Variants in ADGRA3 observed in about 807,000 individuals in gnomAD.
ADGRA3 encodes the protein adhesion G protein-coupled receptor A3, also known as G-protein coupled receptor 125.
In ADGRA3, 56 loss-of-function variants were observed where a neutral mutation model predicts 119.8. That is an observed-to-expected ratio of 0.47 (90% CI 0.38 to 0.58). ADGRA3 has a LOEUF of 0.58. Among genes scored for constraint, ADGRA3 ranks in the 20% least tolerant of loss-of-function variants. The pLI, the probability that ADGRA3 is intolerant of heterozygous loss-of-function variation, is 0.00. For missense variants in ADGRA3, 1,516 were observed against 1,649.0 expected (o/e 0.92, Z 1.40); for synonymous variants, 607 against 623.8 (o/e 0.97, Z 0.40).
chr4:22,501,633 C>T (rs1294404938), intron 1 of ADGRA3, among the ~76,000 whole-genome samples: 1 of 152,022 alleles, frequency 6.6e-6, no homozygotes, highest in Non-Finnish European at 1.5e-5. Context: ...TGTAAAGCTG[C>T]CACCACCTAC....
intron 12 of ADGRA3, chr4:22,420,610 A>G: frequency 1.9e-6 from 1 of 515,014 alleles, no homozygotes; most frequent in Non-Finnish European, 3.4e-6. Context: ...CACATGTAAC[A>G]ATAGTATATT....
In ADGRA3 at chr4:22,470,337, T is replaced by A. The variant is rs540637798; in HGVS notation, c.329+3435A>T. Among the ~76,000 whole-genome samples the A allele has an allele frequency of 4.6e-3, 509 of 111,744 alleles. 15 individuals are homozygous for A. The East Asian group carries it at 0.089, about 20-fold the overall frequency. 73.3% of individuals were successfully genotyped at this position (111,744 alleles called of 152,430 possible). A position where few individuals can be genotyped will look rare whatever the true frequency, so the allele number is the denominator to read the frequency against. The stretch of plus-strand genomic sequence containing the variant: ...TCCTAAATTAAAAAAAAAAAAAAAA[T>A]CAACCTAAATATTCCTATGAAAATA... On this transcript the variant is annotated intron_variant, in intron 2 of 18. Transcript: ENST00000334304.
At chr4:22,464,511 G>A (rs1172142157) in intron 2 of ADGRA3, among the ~76,000 whole-genome samples, 2 of 152,200 alleles carry the variant, frequency 1.3e-5, no homozygotes, top group Non-Finnish European at 2.9e-5. Context: ...TCAACAGAAA[G>A]AGGAATATTA....
At chr4:22,396,519 T>A (rs1714360856) in intron 16 of ADGRA3, among the ~76,000 whole-genome samples, 1 of 152,208 alleles carries the variant, frequency 6.6e-6, no homozygotes, top group African/African-American at 2.4e-5. Flanking sequence ...GTTAAGGGAC[T>A]ATTCACATAA....
chr4:22,510,279 A>T (rs1440800874), intron 1 of ADGRA3, among the ~76,000 whole-genome samples: 1 of 152,152 alleles, frequency 6.6e-6, no homozygotes, highest in African/African-American at 2.4e-5. Flanking sequence ...TGATGCATGG[A>T]CACTGCTCAC....
intron 6 of ADGRA3, chr4:22,443,083 T>C (rs1313298074): frequency 5.8e-6 from 4 of 685,078 alleles, no homozygotes; most frequent in African/African-American, 5.4e-5. Context: ...TTCTGACATT[T>C]AGAGTTATTC....
Position 22,387,842 on chromosome 4 carries a change from G to A in ADGRA3, c.3829C>T (p.Gln1277Ter), listed in dbSNP as rs746569747. 1 of 1,614,108 alleles carries A rather than the reference G, an allele frequency of 6.2e-7. No individual in the cohort carries two copies. Among genetic ancestry groups the A allele is most frequent in the Non-Finnish European group, 8.5e-7 (1 of 1,179,994 alleles). Reference sequence around the variant, plus strand: ...AAGTTGAGGCCATAAGATTTTTGCTGATTTTCAAGTTCAACCACAGCTGGC... The same window carrying A: ...AAGTTGAGGCCATAAGATTTTTGCTAATTTTCAAGTTCAACCACAGCTGGC... ...RKPAVVELEN[Q>*]QKSYGLNLAI... The change falls in exon 19 of 19, where the codon CAG becomes TAG. Residue 1277 changes from glutamine to a stop codon, truncating the protein, a stop_gained. Coordinates refer to ENST00000334304, the MANE Select transcript of ADGRA3 (RefSeq NM_145290.4). LOFTEE classifies it high-confidence loss of function.
chr4:22,421,857 G>C (rs929787856), intron 11 of ADGRA3, among the ~76,000 whole-genome samples: 2 of 108,018 alleles, frequency 1.9e-5, no homozygotes, highest in African/African-American at 7.5e-5. Flanking sequence ...CTCCAGCCTG[G>C]ACAACAGAGC....
intron 1 of ADGRA3, among the ~76,000 whole-genome samples, chr4:22,508,956 C>T (rs1719339315): frequency 6.6e-6 from 1 of 152,154 alleles, no homozygotes; most frequent in African/African-American, 2.4e-5. Context: ...CCTCTTCGTC[C>T]CACCTGCGCC....
At chr4:22,432,976 T>G (rs1280667419) in intron 10 of ADGRA3, among the ~76,000 whole-genome samples, 2 of 152,262 alleles carry the variant, frequency 1.3e-5, no homozygotes, top group African/African-American at 4.8e-5. Flanking sequence ...CATAATTTTA[T>G]GCTGTGGTAA....
At position 22,387,468 on chromosome 4, in the gene ADGRA3, C is replaced by CA; in HGVS notation, c.*236dup. 2.4e-6 allele frequency: 1 copy of CA among 415,590 alleles called. No homozygotes were observed. The highest frequency in any genetic ancestry group is 4.3e-6 in the Non-Finnish European group (1 of 233,666). 25.7% of individuals were successfully genotyped at this position (415,590 alleles called of 1,614,324 possible). A position where few individuals can be genotyped will look rare whatever the true frequency, so the allele number is the denominator to read the frequency against. On this transcript the variant is annotated 3_prime_UTR_variant, in exon 19 of 19. Coordinates refer to ENST00000334304, the MANE Select transcript of ADGRA3 (RefSeq NM_145290.4). ...TTCCAAGAAATTACATTTCACATCC[C>CA]AAAATGTCCTGTTGGTGCTTTGACA...
At chr4:22,436,662 G>A (rs377516381) in intron 8 of ADGRA3, 21 bp from the exon 9 acceptor site, 7 of 1,601,142 alleles carry the variant, frequency 4.4e-6, no homozygotes, top group Non-Finnish European at 6.0e-6. Context: ...AGACAAAATA[G>A]TACAAGAAAA....
At position 22,436,552 on chromosome 4, in the gene ADGRA3, T is replaced by A. The variant is rs1716401203; in HGVS notation, c.1175A>T (p.Asp392Val). Reference protein sequence around the residue: ...GSGIYPGNPQDERKAWRRCDR... With the variant: ...GSGIYPGNPQVERKAWRRCDR... ...ACATCTGCGCCAAGCTTTTCTCTCATCCTGTGGGTTTCCGGGATATATCCC... is the reference window on the plus strand; with the variant it reads ...ACATCTGCGCCAAGCTTTTCTCTCAACCTGTGGGTTTCCGGGATATATCCC... The change falls in exon 9 of 19, where the codon GAT (aspartate) becomes GTT (valine). Residue 392 changes from aspartate (D) to valine (V), a missense_variant. Around this residue, in one of 2 missense-constraint regions of ADGRA3, gnomAD observed 428 missense variants for 541.9 expected, o/e 0.79. Coordinates refer to ENST00000334304, the MANE Select transcript of ADGRA3 (RefSeq NM_145290.4). 2 of 1,613,852 alleles carry A rather than the reference T, an allele frequency of 1.2e-6. No individual in the cohort carries two copies. The highest frequency in any genetic ancestry group is 1.3e-5 in the African/African-American group (1 of 74,914).
rs61736467 is a variant in ADGRA3, at chr4:22,402,734, G to C, written c.2298C>G (p.Thr766=). ...AGAGACATAAGAGGAGAATGATAGC[G>C]GTAGTATAAACCACAGGATGCAGGA... ...ASLLHPVVYT[T]AIILLLCLLA... is the part of the protein sequence containing the mutation. Residue 766 remains threonine (T), a synonymous_variant, in exon 15 of 19, where the codon ACC becomes ACG. Coordinates refer to ENST00000334304, the MANE Select transcript of ADGRA3 (RefSeq NM_145290.4). The C allele has an allele frequency of 1.9e-6, 3 of 1,613,548 alleles. No individual in the cohort carries two copies. The South Asian group carries it at 3.3e-5, about 18-fold the overall frequency.
chr4:22,476,408 G>A (rs142831108), intron 1 of ADGRA3, among the ~76,000 whole-genome samples: 230 of 152,200 alleles, frequency 1.5e-3, no homozygotes, highest in African/African-American at 5.4e-3. Context: ...GTTATAAGAA[G>A]AGTTAAACAA....
intron 14 of ADGRA3, among the ~76,000 whole-genome samples, chr4:22,409,323 C>T (rs1237504811): frequency 6.6e-6 from 1 of 152,038 alleles, no homozygotes; most frequent in Non-Finnish European, 1.5e-5. Flanking sequence ...TAGAAACAAA[C>T]ACAATAGAGA....
At position 22,502,079 on chromosome 4, in the gene ADGRA3, T is replaced by C. The variant is rs61793414; in HGVS notation, c.257+13449A>G. The stretch of plus-strand genomic sequence containing the variant: ...TCCAGGAGCCTTATCTCAAAAAGCA[T>C]AGCATCCCCTAGGAGGTACTACCCT... On this transcript the variant is annotated intron_variant, in intron 1 of 18. Coordinates refer to ENST00000334304, the MANE Select transcript of ADGRA3 (RefSeq NM_145290.4). Among the ~76,000 whole-genome samples the C allele has an allele frequency of 5.0e-3, 761 of 152,256 alleles. 4 individuals carry two copies. Among genetic ancestry groups the C allele is most frequent in the East Asian group, 0.038 (194 of 5,168 alleles).
chr4:22,495,307 C>T (rs567432978), intron 1 of ADGRA3, among the ~76,000 whole-genome samples: 56 of 152,038 alleles, frequency 3.7e-4, no homozygotes, highest in Admixed American at 1.3e-3. Context: ...CGCACAGTGG[C>T]GCACACCTAT....
chr4:22,417,297 T>C (rs1261054823), intron 12 of ADGRA3, among the ~76,000 whole-genome samples: 1 of 152,196 alleles, frequency 6.6e-6, no homozygotes, highest in Non-Finnish European at 1.5e-5. Flanking sequence ...CTTGGAACTA[T>C]GCAGAGCCTG....
Sources: allele counts gnomAD v4.1 joint callset (sites outside exome capture counted in the v4.1 genomes callset), GRCh38; gene constraint gnomAD v4.1.1; regional missense constraint gnomAD v4.1.1; transcripts MANE v1.5; gene names NCBI Gene and HGNC (gene_info 2026-07-23, HGNC 2026-07-21).